KIAA1217: variants seen among roughly 807,000 people sequenced by gnomAD.
KIAA1217 encodes the protein sickle tail protein homolog.
A neutral mutation model predicts 163.9 loss-of-function variants in KIAA1217; 88 were observed. That is an observed-to-expected ratio of 0.54 (90% confidence interval 0.45 to 0.64). The LOEUF is 0.64. Ranked by LOEUF, KIAA1217 falls within the 30% of genes least tolerant of loss-of-function variation. The probability of loss-of-function intolerance (pLI) is 0.00; values close to 1 mark genes in which losing one functional copy is unlikely to be tolerated. For synonymous variants in KIAA1217, 903 were observed against 923.1 expected (o/e 0.98, Z 0.39); for missense variants, 2,372 against 2,475.0 (o/e 0.96, Z 0.88).
chr10:24,179,908 T>C (rs964711427), intron 2 of KIAA1217, among the ~76,000 whole-genome samples: 2 of 152,162 alleles, frequency 1.3e-5, no homozygotes, highest in African/African-American at 4.8e-5. Context: ...TTTATAGTAG[T>C]GCAAGAACAG....
chr10:23,878,796 C>T (rs1203102237), intron 1 of KIAA1217, among the ~76,000 whole-genome samples: 1 of 151,836 alleles, frequency 6.6e-6, no homozygotes, highest in Non-Finnish European at 1.5e-5. Flanking sequence ...TGAGCAGTGA[C>T]AGGTTCTCAA....
At chr10:23,819,901 C>T (rs887825388) in intron 1 of KIAA1217, among the ~76,000 whole-genome samples, 10 of 152,176 alleles carry the variant, frequency 6.6e-5, no homozygotes, top group Non-Finnish European at 1.3e-4. Context: ...CTCAGTTTCT[C>T]TCCGTGTAAA....
At chr10:23,713,669 C>A (rs75793459) in intron 1 of KIAA1217, among the ~76,000 whole-genome samples, 2,388 of 152,164 alleles carry the variant, frequency 0.016, 25 homozygotes, top group Non-Finnish European at 0.023. Flanking sequence ...TCATTATTAG[C>A]TATCCTTACA....
intron 1 of KIAA1217, among the ~76,000 whole-genome samples, chr10:23,954,641 G>T (rs550454251): frequency 6.6e-6 from 1 of 151,484 alleles, no homozygotes; most frequent in South Asian, 2.1e-4. Context: ...GAGGGAGGGA[G>T]GGAGAGAGGG....
intron 2 of KIAA1217, among the ~76,000 whole-genome samples, chr10:24,146,047 C>T (rs2064295020): frequency 6.6e-6 from 1 of 152,212 alleles, no homozygotes; most frequent in Non-Finnish European, 1.5e-5. Context: ...TCAATATTAA[C>T]CATCACGCTG....
intron 2 of KIAA1217, among the ~76,000 whole-genome samples, chr10:24,089,910 A>G (rs1418528916): frequency 6.6e-6 from 1 of 151,824 alleles, no homozygotes; most frequent in Non-Finnish European, 1.5e-5. Flanking sequence ...TCAAGCTACC[A>G]ATGACTTTCT....
chr10:24,259,803 A>G (rs760348624), intron 2 of KIAA1217, among the ~76,000 whole-genome samples: 5 of 152,140 alleles, frequency 3.3e-5, no homozygotes, highest in Non-Finnish European at 5.9e-5. Flanking sequence ...GTCCTTCTCT[A>G]CCACATAGAG....
intron 1 of KIAA1217, among the ~76,000 whole-genome samples, chr10:23,879,500 A>G (rs2131184816): frequency 6.6e-6 from 1 of 152,048 alleles, no homozygotes; most frequent in African/African-American, 2.4e-5. Context: ...ATATATCAAC[A>G]ATGCAGACAC....
chr10:23,761,571 T>A (rs1834261379), intron 1 of KIAA1217, among the ~76,000 whole-genome samples: 1 of 152,162 alleles, frequency 6.6e-6, no homozygotes, highest in South Asian at 2.1e-4. Context: ...TTTGAGTGAG[T>A]TTCTTAATCC....
At chr10:24,093,972 A>G (rs2062043808) in intron 2 of KIAA1217, among the ~76,000 whole-genome samples, 1 of 151,920 alleles carries the variant, frequency 6.6e-6, no homozygotes, top group Non-Finnish European at 1.5e-5. Context: ...CCTACAAAGG[A>G]CATGAACTCA....
rs773272428 is a variant in KIAA1217, at chr10:24,433,138, G to T, written c.697G>T (p.Ala233Ser). 4 of 1,613,838 alleles carry T rather than the reference G, an allele frequency of 2.5e-6. No individual in the cohort carries two copies. The highest frequency in any genetic ancestry group is 8.5e-7 in the Non-Finnish European group (1 of 1,179,988). Residue 233 changes from alanine (A) to serine (S), a missense_variant, in exon 4 of 21, where the codon GCC (alanine) becomes TCC (serine). Transcript: ENST00000376454. ...TMKMLESPSV[A>S]IYIKDESRNV... ...GAAAATGCTGGAATCGCCCAGTGTC[G>T]CCATTTACATCAAAGATGAAAGCAG...
intron 5 of KIAA1217, among the ~76,000 whole-genome samples, chr10:24,470,496 C>T (rs1489439995): frequency 6.6e-6 from 1 of 152,028 alleles, no homozygotes. Context: ...ATATGGATCC[C>T]CAAGAACTAG....
intron 2 of KIAA1217, among the ~76,000 whole-genome samples, chr10:24,238,715 T>C (rs2072631475): frequency 6.6e-6 from 1 of 152,054 alleles, no homozygotes; most frequent in South Asian, 2.1e-4. Context: ...GGAAAAGAAG[T>C]ATCAATTGAA....
intron 1 of KIAA1217, among the ~76,000 whole-genome samples, chr10:23,964,232 G>T (rs1156774900): frequency 2.6e-5 from 4 of 151,258 alleles, no homozygotes; most frequent in African/African-American, 9.7e-5. Context: ...TTTGTTGGCT[G>T]CATAAATGTC....
chr10:24,273,004 C>T (rs1467135429), intron 2 of KIAA1217, among the ~76,000 whole-genome samples: 2 of 152,198 alleles, frequency 1.3e-5, no homozygotes, highest in Non-Finnish European at 2.9e-5. Context: ...AGTCTGTGCC[C>T]TTCTGCGCCT....
intron 2 of KIAA1217, among the ~76,000 whole-genome samples, chr10:24,076,022 A>G (rs1288770591): frequency 1.3e-5 from 2 of 152,150 alleles, no homozygotes; most frequent in African/African-American, 2.4e-5. Context: ...CTGTGATTCC[A>G]GGCATCTGGA....
intron 2 of KIAA1217, among the ~76,000 whole-genome samples, chr10:24,366,218 G>A (rs2050761119): frequency 6.6e-6 from 1 of 152,156 alleles, no homozygotes; most frequent in Non-Finnish European, 1.5e-5. Flanking sequence ...GCCGAAGCAG[G>A]CAGATCACTT....
At chr10:24,145,344 T>C (rs1418031379) in intron 2 of KIAA1217, among the ~76,000 whole-genome samples, 1 of 152,222 alleles carries the variant, frequency 6.6e-6, no homozygotes, top group Non-Finnish European at 1.5e-5. Flanking sequence ...CATCCAGGTG[T>C]TGATTATTGG....
chr10:23,701,663 T>G, intron 1 of KIAA1217, among the ~76,000 whole-genome samples: 1 of 152,326 alleles, frequency 6.6e-6, no homozygotes, highest in Non-Finnish European at 1.5e-5. Context: ...CTAGGGCTAG[T>G]AATAGCCTGT....
Sources: gnomAD v4.1 joint callset for allele counts (sites outside exome capture counted in the v4.1 genomes callset) on GRCh38, gnomAD v4.1.1 for gene constraint, MANE v1.5 for transcripts, NCBI Gene and HGNC (gene_info 2026-07-23, HGNC 2026-07-21) for gene names.